The following GLRA3 variants were observed in gnomAD, a reference collection of about 807,000 sequenced individuals.
The protein encoded by GLRA3 is glycine receptor subunit alpha-3.
GLRA3 carries 44 observed loss-of-function variants against 60.4 expected under a neutral mutation model. That is an observed-to-expected ratio of 0.73 (90% CI 0.57 to 0.94). The LOEUF (loss-of-function observed/expected upper bound fraction) is 0.94. Ranked by LOEUF, GLRA3 falls within the 40% of genes least tolerant of loss-of-function variation. GLRA3 has a pLI of 0.00. For missense variants in GLRA3, 508 were observed against 564.6 expected (o/e 0.90, Z 1.02); for synonymous variants, 223 against 192.9 (o/e 1.16, Z -1.29).
chr4:174,735,022 G>A (rs1489870767), intron 3 of GLRA3, among the ~76,000 whole-genome samples: 1 of 152,144 alleles, frequency 6.6e-6, no homozygotes, highest in Non-Finnish European at 1.5e-5. Context: ...TGGATTGCAA[G>A]GTAACAAATT....
intron 1 of GLRA3, among the ~76,000 whole-genome samples, chr4:174,792,350 T>G (rs1739385032): frequency 6.6e-6 from 1 of 152,172 alleles, no homozygotes; most frequent in South Asian, 2.1e-4. Context: ...TTTTTAATGA[T>G]CTTTTCTTCA....
At chr4:174,798,131 G>A (rs1360211735) in intron 1 of GLRA3, among the ~76,000 whole-genome samples, 1 of 152,136 alleles carries the variant, frequency 6.6e-6, no homozygotes, top group Non-Finnish European at 1.5e-5. Flanking sequence ...TTGAGACATG[G>A]GGCCACAATG....
rs147102433 is a variant in GLRA3, at chr4:174,761,611, A to G, written c.267+5352T>C. 2.0e-5 allele frequency among the ~76,000 whole-genome samples: 3 copies of G among 152,346 alleles called. No homozygotes were observed. In the East Asian group the frequency reaches 5.8e-4, roughly 29 times the overall value. Reference sequence around the variant, plus strand: ...TTGATTTAAATCACATAGCAGCACAATTCTCTAACTTTCTAACATATGTGT... The same window carrying G: ...TTGATTTAAATCACATAGCAGCACAGTTCTCTAACTTTCTAACATATGTGT... On this transcript the variant is annotated intron_variant, in intron 3 of 9. Transcript: ENST00000274093.
At chr4:174,807,202 A>T (rs1431305062) in intron 1 of GLRA3, among the ~76,000 whole-genome samples, 2 of 152,040 alleles carry the variant, frequency 1.3e-5, no homozygotes, top group East Asian at 3.8e-4. Flanking sequence ...CTGGAAAATA[A>T]TAACATAAAC....
Position 174,778,800 on chromosome 4 carries a change from G to A in GLRA3, c.199+10016C>T, listed in dbSNP as rs191079674. On this transcript the variant is annotated intron_variant, in intron 2 of 9. Transcript: ENST00000274093. ...ACGGCGCACCACGAGGTTATACCCCGCACCTGGCTTGGAGGGTCCTACCCC... is the reference window on the plus strand; with the variant it reads ...ACGGCGCACCACGAGGTTATACCCCACACCTGGCTTGGAGGGTCCTACCCC... Among the ~76,000 whole-genome samples the A allele has an allele frequency of 3.0e-3, 456 of 152,284 alleles. 5 individuals are homozygous for A. In the South Asian group the frequency reaches 0.04, roughly 13 times the overall value.
chr4:174,789,959 G>T lies in GLRA3; in HGVS notation c.72-1016C>A, dbSNP rs566339197. On this transcript the variant is annotated intron_variant, in intron 1 of 9. Coordinates refer to ENST00000274093, the MANE Select transcript of GLRA3 (RefSeq NM_006529.4). ...ACAAGATCAGTTATTAAATTCCTTA[G>T]ATTTCTCCTGCCAGAATTTTAGTGA... 2.6e-5 allele frequency among the ~76,000 whole-genome samples: 4 copies of T among 152,186 alleles called. No homozygotes were observed. In the East Asian group the frequency reaches 7.7e-4, roughly 29 times the overall value.
At chr4:174,821,495 G>A (rs555276803) in intron 1 of GLRA3, among the ~76,000 whole-genome samples, 1 of 152,126 alleles carries the variant, frequency 6.6e-6, no homozygotes, top group Admixed American at 6.5e-5. Context: ...CCCAAGGTGG[G>A]TGGGCAGAAG....
chr4:174,821,148 TC>T, intron 1 of GLRA3, among the ~76,000 whole-genome samples: 1 of 152,294 alleles, frequency 6.6e-6, no homozygotes, highest in South Asian at 2.1e-4. Flanking sequence ...TGAAAATATT[TC>T]CAATATTATT....
intron 4 of GLRA3, among the ~76,000 whole-genome samples, chr4:174,723,252 T>G (rs1451972872): frequency 6.6e-6 from 1 of 152,062 alleles, no homozygotes; most frequent in African/African-American, 2.4e-5. Flanking sequence ...CAGTTAAGGG[T>G]TTTAGTACAA....
intron 4 of GLRA3, among the ~76,000 whole-genome samples, chr4:174,727,697 A>G (rs570135103): frequency 1.3e-5 from 2 of 152,308 alleles, no homozygotes; most frequent in South Asian, 4.1e-4. Flanking sequence ...CATTTGTTTC[A>G]TATTTAATGA....
At chr4:174,816,540 A>G (rs1210092502) in intron 1 of GLRA3, among the ~76,000 whole-genome samples, 1 of 152,064 alleles carries the variant, frequency 6.6e-6, no homozygotes, top group African/African-American at 2.4e-5. Flanking sequence ...TTGTCCTGGC[A>G]CTATAATTCT....
At chr4:174,753,759 G>A (rs143486881) in intron 3 of GLRA3, among the ~76,000 whole-genome samples, 2,287 of 152,268 alleles carry the variant, frequency 0.015, 32 homozygotes, top group Middle Eastern at 0.037. Context: ...GCAGAAAAGA[G>A]AAGAGTTGAA....
At chr4:174,762,257 G>A (rs367934155) in intron 3 of GLRA3, among the ~76,000 whole-genome samples, 2 of 151,992 alleles carry the variant, frequency 1.3e-5, no homozygotes, top group African/African-American at 4.8e-5. Context: ...CTTCTATGAT[G>A]GAAATTTCTT....
chr4:174,695,471 G>C (rs903300462), intron 5 of GLRA3, among the ~76,000 whole-genome samples: 1 of 151,996 alleles, frequency 6.6e-6, no homozygotes, highest in East Asian at 1.9e-4. Context: ...CATGTAAACA[G>C]AACAAAAGAC....
intron 3 of GLRA3, among the ~76,000 whole-genome samples, chr4:174,749,290 T>A (rs1737370732): frequency 6.6e-6 from 1 of 152,110 alleles, no homozygotes; most frequent in Non-Finnish European, 1.5e-5. Flanking sequence ...TTTATAAACA[T>A]CTGATTCCCA....
chr4:174,787,005 A>G (rs1056239314), intron 2 of GLRA3, among the ~76,000 whole-genome samples: 7 of 152,132 alleles, frequency 4.6e-5, no homozygotes, highest in African/African-American at 1.7e-4. Flanking sequence ...GTTTTAAGCA[A>G]CACCAAATCC....
intron 5 of GLRA3, among the ~76,000 whole-genome samples, chr4:174,702,510 G>A (rs543828169): frequency 6.6e-6 from 1 of 152,184 alleles, no homozygotes; most frequent in East Asian, 1.9e-4. Flanking sequence ...TAAAACAGCT[G>A]TGTTGGGAAA....
intron 2 of GLRA3, among the ~76,000 whole-genome samples, chr4:174,771,747 G>C (rs1342262461): frequency 6.6e-6 from 1 of 152,122 alleles, no homozygotes; most frequent in Admixed American, 6.6e-5. Flanking sequence ...AGTTTAGAAA[G>C]GGAAGGGGTC....
intron 2 of GLRA3, among the ~76,000 whole-genome samples, chr4:174,770,066 A>G (rs961578424): frequency 2.6e-5 from 4 of 152,036 alleles, no homozygotes; most frequent in South Asian, 4.1e-4. Flanking sequence ...TGAAGTTGCA[A>G]TTTACATTTA....
Sources: allele counts gnomAD v4.1 joint callset (sites outside exome capture counted in the v4.1 genomes callset), GRCh38; gene constraint gnomAD v4.1.1; transcripts MANE v1.5; gene names NCBI Gene and HGNC (gene_info 2026-07-23, HGNC 2026-07-21).